PTPRN2: variants seen among roughly 807,000 people sequenced by gnomAD.
PTPRN2 encodes the protein receptor-type tyrosine-protein phosphatase N2.
Under a neutral mutation model 118.8 loss-of-function variants are expected in PTPRN2, and 74 were observed. The ratio of observed to expected loss-of-function variants is 0.62; its 90% CI spans 0.52 to 0.76. The LOEUF (loss-of-function observed/expected upper bound fraction) is 0.76, where lower values mean the gene tolerates loss of function less well. Ranked by LOEUF, PTPRN2 falls within the 30% of genes least tolerant of loss-of-function variation. PTPRN2 has a pLI of 0.00. For missense variants in PTPRN2, 1,481 were observed against 1,394.4 expected (o/e 1.06, Z -0.99); for synonymous variants, 641 against 608.0 (o/e 1.05, Z -0.80).
intron 12 of PTPRN2, among the ~76,000 whole-genome samples, chr7:157,741,548 C>G: frequency 6.6e-6 from 1 of 152,208 alleles, no homozygotes; most frequent in African/African-American, 2.4e-5. Context: ...GGAACCCTCC[C>G]CGGAGACGCT....
intron 2 of PTPRN2, among the ~76,000 whole-genome samples, chr7:158,417,217 A>G (rs1260460334): frequency 1.3e-5 from 2 of 152,056 alleles, no homozygotes; most frequent in Non-Finnish European, 2.9e-5. Context: ...AGTGCACTAC[A>G]ACAAGATGCT....
chr7:158,413,109 A>ACCCTCCTCAGCTCCAGGACCCATCCAGCG (rs1814334437), intron 2 of PTPRN2, among the ~76,000 whole-genome samples: 1 of 149,120 alleles, frequency 6.7e-6, no homozygotes, highest in Admixed American at 6.7e-5. Context: ...CCCATCCAGC[A>ACCCTCCTCAGCTCCAGGACCCATCCAGCG]CCCTCCTCAG....
At chr7:158,171,306 C>CATAT (rs1554571662) in intron 5 of PTPRN2, among the ~76,000 whole-genome samples, 7 of 33,418 alleles carry the variant, frequency 2.1e-4, no homozygotes, top group East Asian at 1.5e-3. Context: ...TATATATACA[C>CATAT]ACATATATAT....
intron 12 of PTPRN2, among the ~76,000 whole-genome samples, chr7:157,718,882 T>G (rs1799082661): frequency 6.6e-6 from 1 of 152,158 alleles, no homozygotes; most frequent in Admixed American, 6.5e-5. Flanking sequence ...AAACCCACCT[T>G]GTCGCTGTGG....
At chr7:158,279,552 G>A (rs1163513683) in intron 3 of PTPRN2, among the ~76,000 whole-genome samples, 2 of 152,220 alleles carry the variant, frequency 1.3e-5, no homozygotes, top group African/African-American at 4.8e-5. Context: ...AACGACCCAG[G>A]GAAGAGGGAA....
intron 3 of PTPRN2, among the ~76,000 whole-genome samples, chr7:158,271,688 G>C (rs969323710): frequency 6.6e-6 from 1 of 152,158 alleles, no homozygotes; most frequent in Admixed American, 6.5e-5. Context: ...AAACAACAGA[G>C]GTTTCTTTCT....
chr7:158,089,536 T>G (rs376418741), intron 10 of PTPRN2, among the ~76,000 whole-genome samples: 24 of 120,756 alleles, frequency 2.0e-4, no homozygotes, highest in Admixed American at 3.9e-4. Flanking sequence ...CTTCCCCTGA[T>G]GAAAGAGGGA....
chr7:157,902,486 AC>A (rs1217967257), intron 11 of PTPRN2, among the ~76,000 whole-genome samples: 1 of 118,960 alleles, frequency 8.4e-6, no homozygotes. Flanking sequence ...AATCAACCTC[AC>A]CGTGGCCTCA....
chr7:158,399,332 C>T (rs1351920616), intron 2 of PTPRN2, among the ~76,000 whole-genome samples: 1 of 152,154 alleles, frequency 6.6e-6, no homozygotes, highest in African/African-American at 2.4e-5. Flanking sequence ...ATTTCTATTC[C>T]CACAGAAGCA....
intron 2 of PTPRN2, among the ~76,000 whole-genome samples, chr7:158,358,231 G>A (rs571204803): frequency 1.6e-3 from 251 of 152,288 alleles, no homozygotes; most frequent in Admixed American, 3.6e-3. Context: ...CCTTTCTTCC[G>A]GCCTGGTCTT....
chr7:157,755,890 A>T (rs1301200689), intron 12 of PTPRN2, among the ~76,000 whole-genome samples: 3 of 152,202 alleles, frequency 2.0e-5, no homozygotes, highest in Admixed American at 2.0e-4. Flanking sequence ...AATAAATTTG[A>T]AAAAAAGAAG....
intron 15 of PTPRN2, chr7:157,616,618 A>G (rs980538553): frequency 6.6e-6 from 1 of 152,210 alleles, no homozygotes; most frequent in Non-Finnish European, 1.5e-5. Flanking sequence ...AAAAGGGGTG[A>G]AGGGAAGGCA....
At chr7:157,567,045 A>G (rs1379477809) in intron 21 of PTPRN2, among the ~76,000 whole-genome samples, 1 of 152,362 alleles carries the variant, frequency 6.6e-6, no homozygotes, top group East Asian at 1.9e-4. Context: ...GTTTAAGAGA[A>G]GAAAAATCTT....
intron 11 of PTPRN2, among the ~76,000 whole-genome samples, chr7:157,952,419 C>T (rs1251209700): frequency 1.7e-3 from 19 of 11,434 alleles, no homozygotes; most frequent in Admixed American, 0.016. Flanking sequence ...GTGGGGGACA[C>T]GGGGGGAGAC....
intron 11 of PTPRN2, among the ~76,000 whole-genome samples, chr7:158,078,052 G>A (rs965876597): frequency 3.3e-5 from 5 of 152,172 alleles, no homozygotes; most frequent in East Asian, 3.9e-4. Context: ...CAGAATTCCC[G>A]GGAAAGCATT....
At chr7:158,290,957 A>G (rs1800084679) in intron 3 of PTPRN2, among the ~76,000 whole-genome samples, 1 of 152,362 alleles carries the variant, frequency 6.6e-6, no homozygotes, top group South Asian at 2.1e-4. Flanking sequence ...ATTCAGGGAA[A>G]GGAGCATCTG....
chr7:158,277,802 G>A (rs1040847076), intron 3 of PTPRN2, among the ~76,000 whole-genome samples: 1 of 152,182 alleles, frequency 6.6e-6, no homozygotes, highest in African/African-American at 2.4e-5. Flanking sequence ...CAGCTACAGA[G>A]GCTCCTCCTC....
At chr7:157,814,626 G>C (rs956732181) in intron 12 of PTPRN2, among the ~76,000 whole-genome samples, 5 of 152,170 alleles carry the variant, frequency 3.3e-5, no homozygotes, top group African/African-American at 1.2e-4. Flanking sequence ...ATCCCATATG[G>C]GGCCATCTGC....
At chr7:157,907,590 A>G (rs1390744920) in intron 11 of PTPRN2, among the ~76,000 whole-genome samples, 1 of 118,890 alleles carries the variant, frequency 8.4e-6, no homozygotes, top group Non-Finnish European at 1.7e-5. Flanking sequence ...CCCGGGTGGC[A>G]GTATCTCCCT....
Sources: allele counts gnomAD v4.1 joint callset (sites outside exome capture counted in the v4.1 genomes callset), GRCh38; gene constraint gnomAD v4.1.1; transcripts MANE v1.5; gene names NCBI Gene and HGNC (gene_info 2026-07-23, HGNC 2026-07-21).